The following CPPED1 variants were observed in gnomAD, a reference collection of about 807,000 sequenced individuals.
CPPED1 encodes serine/threonine-protein phosphatase CPPED1.
A neutral mutation model predicts 28.0 loss-of-function variants in CPPED1; 28 were observed. The observed-to-expected ratio is 1.00, with a 90% CI of 0.74 to 1.37. CPPED1 has a LOEUF of 1.37. CPPED1 is among the 40% of genes most tolerant of loss of function. The pLI, the probability that CPPED1 is intolerant of heterozygous loss-of-function variation, is 0.00. For synonymous variants in CPPED1, 198 were observed against 180.2 expected (o/e 1.10, Z -0.79); for missense variants, 504 against 416.5 (o/e 1.21, Z -1.83).
chr16:12,744,608 G>A (rs557379972), intron 2 of CPPED1, among the ~76,000 whole-genome samples: 24 of 152,138 alleles, frequency 1.6e-4, no homozygotes, highest in Non-Finnish European at 2.9e-4. Context: ...CTACAGAGAG[G>A]GGAACACAGG....
At chr16:12,784,571 T>C (rs1038060857) in intron 1 of CPPED1, among the ~76,000 whole-genome samples, 1 of 148,718 alleles carries the variant, frequency 6.7e-6, no homozygotes, top group Non-Finnish European at 1.5e-5. Flanking sequence ...AAAAAAAAAC[T>C]GAGACTCTGC....
intron 2 of CPPED1, among the ~76,000 whole-genome samples, chr16:12,735,834 T>C (rs1367896827): frequency 6.6e-6 from 1 of 152,238 alleles, no homozygotes; most frequent in Non-Finnish European, 1.5e-5. Context: ...CCAGACATTA[T>C]GCTCACATGC....
At chr16:12,707,655 G>C (rs2080058657) in intron 2 of CPPED1, among the ~76,000 whole-genome samples, 1 of 152,180 alleles carries the variant, frequency 6.6e-6, no homozygotes. Flanking sequence ...AGAAGGGGCA[G>C]TTCAAAAGAA....
At chr16:12,782,705 T>C (rs7190216) in intron 1 of CPPED1, among the ~76,000 whole-genome samples, 12,386 of 151,734 alleles carry the variant, frequency 0.082, 998 homozygotes, top group African/African-American at 0.2. Flanking sequence ...ATCAAAAATA[T>C]AAAAATTAGC....
chr16:12,712,235 G>T (rs1039063782), intron 2 of CPPED1, among the ~76,000 whole-genome samples: 1 of 152,144 alleles, frequency 6.6e-6, no homozygotes, highest in Admixed American at 6.5e-5. Context: ...AGCCCTAAGA[G>T]GTCCCTGGAA....
At chr16:12,665,833 G>C (rs2079822651) in intron 3 of CPPED1, among the ~76,000 whole-genome samples, 1 of 152,204 alleles carries the variant, frequency 6.6e-6, no homozygotes, top group South Asian at 2.1e-4. Flanking sequence ...GCTGAGACAG[G>C]AGAATCACGT....
At chr16:12,681,894 G>A (rs962880017) in intron 3 of CPPED1, among the ~76,000 whole-genome samples, 3 of 152,088 alleles carry the variant, frequency 2.0e-5, no homozygotes, top group Non-Finnish European at 4.4e-5. Flanking sequence ...GCAGAATTGG[G>A]AAATAATTAC....
intron 3 of CPPED1, among the ~76,000 whole-genome samples, chr16:12,698,664 C>A (rs1464112490): frequency 6.6e-6 from 1 of 152,162 alleles, no homozygotes; most frequent in Non-Finnish European, 1.5e-5. Context: ...TTCCTGACTT[C>A]AAGTGATCCA....
chr16:12,763,301 C>A (rs957723764), intron 2 of CPPED1, among the ~76,000 whole-genome samples: 2 of 151,794 alleles, frequency 1.3e-5, no homozygotes, highest in Admixed American at 6.6e-5. Flanking sequence ...TGCGTTCAGG[C>A]TATCCTCCCG....
chr16:12,740,371 G>T (rs958092358), intron 2 of CPPED1, among the ~76,000 whole-genome samples: 6 of 151,846 alleles, frequency 4.0e-5, no homozygotes, highest in Non-Finnish European at 5.9e-5. Context: ...CTTGAACCTG[G>T]GAGGCAGAGG....
chr16:12,790,549 C>A (rs2080589812), intron 1 of CPPED1, among the ~76,000 whole-genome samples: 1 of 152,136 alleles, frequency 6.6e-6, no homozygotes, highest in Non-Finnish European at 1.5e-5. Context: ...TGTGCTAAAC[C>A]TGTTACTTGT....
At chr16:12,729,995 G>C (rs2080189133) in intron 2 of CPPED1, among the ~76,000 whole-genome samples, 1 of 152,080 alleles carries the variant, frequency 6.6e-6, no homozygotes, top group South Asian at 2.1e-4. Flanking sequence ...CCAAGGTTCT[G>C]GGACTATAGA....
At chr16:12,764,267 G>A (rs61493690) in intron 2 of CPPED1, among the ~76,000 whole-genome samples, 2,351 of 151,494 alleles carry the variant, frequency 0.016, 63 homozygotes, top group African/African-American at 0.054. Context: ...GCAGTGGTGC[G>A]ATCTCAGCTT....
rs1000986072 is a variant in CPPED1 at position 12,670,979 on chromosome 16, T to C, written c.716-5864A>G. On this transcript the variant is annotated intron_variant, in intron 3 of 3. Transcript: ENST00000381774. The surrounding 1 kb of genome is among the most constrained non-coding windows in gnomAD (Gnocchi z 4.2). Reference sequence around the variant, plus strand: ...GATTCTCCTGCCTCAGCCTCCTGAGTAGCTGGGATTACAGGTGCCTGCCAC... The same window carrying C: ...GATTCTCCTGCCTCAGCCTCCTGAGCAGCTGGGATTACAGGTGCCTGCCAC... Among the ~76,000 whole-genome samples, 4 of 152,204 alleles carry C rather than the reference T, an allele frequency of 2.6e-5. No homozygotes were observed. Among genetic ancestry groups the C allele is most frequent in the African/African-American group, 9.6e-5 (4 of 41,518 alleles).
intron 3 of CPPED1, among the ~76,000 whole-genome samples, chr16:12,704,269 TA>T (rs1432844704): frequency 1.3e-5 from 2 of 152,104 alleles, no homozygotes; most frequent in Non-Finnish European, 2.9e-5. Context: ...CTTCCCCCAA[TA>T]AACCCCTCCT....
At chr16:12,698,253 C>T (rs1402717762) in intron 3 of CPPED1, among the ~76,000 whole-genome samples, 3 of 152,150 alleles carry the variant, frequency 2.0e-5, no homozygotes, top group African/African-American at 7.2e-5. Context: ...ATATGACAGT[C>T]TCAGCTAGGG....
chr16:12,727,228 T>C (rs1416781331), intron 2 of CPPED1, among the ~76,000 whole-genome samples: 1 of 152,178 alleles, frequency 6.6e-6, no homozygotes, highest in Admixed American at 6.5e-5. Flanking sequence ...ATAGGCATTC[T>C]GGCTGGTGGC....
rs1388409001 is a variant in CPPED1, at chr16:12,704,806, T to C, written c.533A>G (p.Lys178Arg). 25 of 1,614,216 alleles carry C rather than the reference T, an allele frequency of 1.5e-5. No individual in the cohort carries two copies. The highest frequency in any genetic ancestry group is 2.0e-5 in the Non-Finnish European group (24 of 1,180,038). Residue 178 changes from lysine (K) to arginine (R), a missense_variant, in exon 3 of 4, where the codon AAG (lysine) becomes AGG (arginine). Transcript: ENST00000381774. ...GTCCAGCCACTGGTCCTGAGCCTGC[T>C]TCAGGCTGGGGCATTTGGAGGGGTT... The part of the protein sequence containing the change: ...YENPSKCPSL[K>R]QAQDQWLDEQ...
chr16:12,698,439 T>A (rs533651714), intron 3 of CPPED1, among the ~76,000 whole-genome samples: 26 of 152,256 alleles, frequency 1.7e-4, no homozygotes, highest in Non-Finnish European at 2.2e-4. Flanking sequence ...GAATTTTTTT[T>A]ATTTATTTTT....
Sources: allele counts gnomAD v4.1 joint callset (sites outside exome capture counted in the v4.1 genomes callset), GRCh38; gene constraint gnomAD v4.1.1; non-coding constraint Gnocchi (gnomAD v3.1); transcripts MANE v1.5; gene names NCBI Gene and HGNC (gene_info 2026-07-23, HGNC 2026-07-21).